GRIP1: variants seen among roughly 807,000 people sequenced by gnomAD.
GRIP1 encodes the protein glutamate receptor interacting protein 1.
GRIP1 carries 45 observed loss-of-function variants against 129.9 expected under a neutral mutation model. The ratio of observed to expected loss-of-function variants is 0.35; its 90% CI spans 0.27 to 0.44. The LOEUF (loss-of-function observed/expected upper bound fraction) is 0.44. Among genes scored for constraint, GRIP1 ranks in the 20% least tolerant of loss-of-function variants. The pLI is 1.00. For synonymous variants in GRIP1, 530 were observed against 520.8 expected, an observed-to-expected ratio of 1.02 and a Z score of -0.24; for missense variants, 1,196 against 1,396.8, an observed-to-expected ratio of 0.86 and a Z score of 2.29.
At chr12:66,644,165 T>A (rs12427109) in intron 1 of GRIP1, among the ~76,000 whole-genome samples, 7,660 of 152,190 alleles carry the variant, frequency 0.05, 331 homozygotes, top group African/African-American at 0.11. Context: ...GCACCCATGA[T>A]TCAAATTATC....
intron 1 of GRIP1, among the ~76,000 whole-genome samples, chr12:66,896,285 A>C (rs2040745582): frequency 6.6e-6 from 1 of 152,060 alleles, no homozygotes; most frequent in Non-Finnish European, 1.5e-5. Context: ...TGTTGCCCCA[A>C]ACATTCAATA....
At chr12:66,814,992 G>T (rs780171461) in intron 1 of GRIP1, among the ~76,000 whole-genome samples, 5 of 152,126 alleles carry the variant, frequency 3.3e-5, no homozygotes, top group Middle Eastern at 3.2e-3. Context: ...ACCTGGTCCT[G>T]CGGTTGACAA....
At chr12:66,921,541 C>G (rs1270800031) in intron 1 of GRIP1, among the ~76,000 whole-genome samples, 3 of 152,244 alleles carry the variant, frequency 2.0e-5, no homozygotes, top group Admixed American at 2.0e-4. Context: ...GTACTGCAGG[C>G]TCCTGCTTTT....
chr12:67,066,888 T>TTATATATATA (rs1555170033), intron 1 of GRIP1, among the ~76,000 whole-genome samples: 2,300 of 125,512 alleles, frequency 0.018, 39 homozygotes, highest in Non-Finnish European at 0.025. Context: ...AAATATATAT[T>TTATATATATA]TATATATATA....
chr12:66,781,131 T>C (rs2136785821), intron 1 of GRIP1, among the ~76,000 whole-genome samples: 1 of 152,314 alleles, frequency 6.6e-6, no homozygotes, highest in South Asian at 2.1e-4. Flanking sequence ...CGTGGTAACA[T>C]TTATAAGGTA....
intron 16 of GRIP1, among the ~76,000 whole-genome samples, chr12:66,395,471 A>G (rs572525561): frequency 6.6e-6 from 1 of 152,358 alleles, no homozygotes; most frequent in Non-Finnish European, 1.5e-5. Flanking sequence ...AAATCCTAAA[A>G]TAAGGAGGAA....
intron 23 of GRIP1, among the ~76,000 whole-genome samples, chr12:66,367,947 A>T (rs985489658): frequency 6.6e-6 from 1 of 152,222 alleles, no homozygotes; most frequent in African/African-American, 2.4e-5. Context: ...GTCAGGCATG[A>T]CAACTGGCTT....
intron 19 of GRIP1, among the ~76,000 whole-genome samples, chr12:66,382,763 TCCTGTCCTCAAAAACTGCATTGTTTGG>T (rs1361621056): frequency 6.6e-6 from 1 of 152,160 alleles, no homozygotes; most frequent in Non-Finnish European, 1.5e-5. Context: ...TAAAACTGAT[TCCTGTCCTCAAAAACTGCATTGTTTGG>T]TATATGTATA....
chr12:66,621,541 T>A (rs1291220499), intron 1 of GRIP1, among the ~76,000 whole-genome samples: 1 of 152,192 alleles, frequency 6.6e-6, no homozygotes, highest in East Asian at 1.9e-4. Flanking sequence ...CTATTGTGAA[T>A]AATGCTGCTC....
chr12:66,560,197 A>G (rs1277273980), intron 2 of GRIP1, among the ~76,000 whole-genome samples: 1 of 152,164 alleles, frequency 6.6e-6, no homozygotes, highest in African/African-American at 2.4e-5. Flanking sequence ...TAAATCCCAG[A>G]CCTCAAATTA....
chr12:66,487,746 G>A (rs985397148), intron 7 of GRIP1, among the ~76,000 whole-genome samples: 1 of 152,194 alleles, frequency 6.6e-6, no homozygotes, highest in Admixed American at 6.5e-5. Context: ...CCCATCTCAT[G>A]TGCAAAGACA....
At chr12:66,988,670 C>T (rs1174047750) in intron 1 of GRIP1, among the ~76,000 whole-genome samples, 1 of 152,132 alleles carries the variant, frequency 6.6e-6, no homozygotes, top group Non-Finnish European at 1.5e-5. Context: ...AGCCACCGCA[C>T]CCAGCTAAGA....
chr12:66,542,549 C>T (rs2061818668), intron 2 of GRIP1, among the ~76,000 whole-genome samples: 1 of 152,202 alleles, frequency 6.6e-6, no homozygotes, highest in Non-Finnish European at 1.5e-5. Flanking sequence ...GATTGATCCT[C>T]AGAATTTCCA....
At chr12:66,351,158 AT>A (rs1250591639) in intron 24 of GRIP1, among the ~76,000 whole-genome samples, 2 of 152,242 alleles carry the variant, frequency 1.3e-5, no homozygotes, top group East Asian at 3.8e-4. Flanking sequence ...TTCCAAAACT[AT>A]CAAATTGATC....
At chr12:66,476,085 T>G (rs2059600395) in intron 7 of GRIP1, among the ~76,000 whole-genome samples, 1 of 151,942 alleles carries the variant, frequency 6.6e-6, no homozygotes, top group Non-Finnish European at 1.5e-5. Context: ...CAGGATCTGG[T>G]TTTTTGAAAA....
At chr12:67,043,548 C>A (rs1024438634) in intron 1 of GRIP1, among the ~76,000 whole-genome samples, 1 of 152,142 alleles carries the variant, frequency 6.6e-6, no homozygotes. Context: ...GAAGGCTTAG[C>A]CCAGAGCAAA....
intron 1 of GRIP1, among the ~76,000 whole-genome samples, chr12:66,640,438 C>A (rs757987281): frequency 6.6e-6 from 1 of 152,130 alleles, no homozygotes; most frequent in Non-Finnish European, 1.5e-5. Context: ...ATTTCTCCAT[C>A]TCAAAACTAC....
intron 1 of GRIP1, among the ~76,000 whole-genome samples, chr12:66,853,375 T>C (rs1349494340): frequency 1.3e-5 from 2 of 151,938 alleles, no homozygotes; most frequent in Non-Finnish European, 2.9e-5. Flanking sequence ...GTAAAAGACA[T>C]ACCCAAAATG....
chr12:66,823,547 T>C (rs1348578570), intron 1 of GRIP1, among the ~76,000 whole-genome samples: 1 of 152,168 alleles, frequency 6.6e-6, no homozygotes, highest in Non-Finnish European at 1.5e-5. Flanking sequence ...ATTTAGTACA[T>C]ACTCTGGCAC....
Sources: allele counts gnomAD v4.1 joint callset (sites outside exome capture counted in the v4.1 genomes callset), GRCh38; gene constraint gnomAD v4.1.1; transcripts MANE v1.5; gene names NCBI Gene and HGNC (gene_info 2026-07-23, HGNC 2026-07-21).